ELMO1: variants seen among roughly 807,000 people sequenced by gnomAD.
ELMO1 encodes engulfment and cell motility 1, also known as engulfment and cell motility protein 1.
Under a neutral mutation model 98.9 loss-of-function variants are expected in ELMO1, and 26 were observed. That is an observed-to-expected ratio of 0.26 (90% confidence interval 0.19 to 0.36). The LOEUF is 0.36. ELMO1 is among the 10% of genes least tolerant of loss of function. The pLI, the probability that ELMO1 is intolerant of heterozygous loss-of-function variation, is 1.00. For synonymous variants in ELMO1, 346 were observed against 346.0 expected (o/e 1.00, Z 0.00); for missense variants, 627 against 935.2 (o/e 0.67, Z 4.30).
chr7:37,308,829 A>C (rs1206852775), intron 4 of ELMO1, among the ~76,000 whole-genome samples: 2 of 152,196 alleles, frequency 1.3e-5, no homozygotes, highest in Admixed American at 1.3e-4. Context: ...TGGGGACAGG[A>C]ATACAAGCAG....
intron 16 of ELMO1, among the ~76,000 whole-genome samples, chr7:36,958,599 A>G (rs1039894176): frequency 2.0e-5 from 3 of 152,198 alleles, no homozygotes; most frequent in Admixed American, 6.5e-5. Flanking sequence ...AGTGACCTCC[A>G]TGAGGTCAAA....
At chr7:36,885,374 T>C (rs1286761474) in intron 18 of ELMO1, among the ~76,000 whole-genome samples, 1 of 152,148 alleles carries the variant, frequency 6.6e-6, no homozygotes, top group African/African-American at 2.4e-5. Flanking sequence ...CTGTAGTTAA[T>C]ACATCTAGAA....
At chr7:37,097,057 T>C (rs983672321) in intron 14 of ELMO1, among the ~76,000 whole-genome samples, 2 of 152,222 alleles carry the variant, frequency 1.3e-5, no homozygotes, top group African/African-American at 2.4e-5. Flanking sequence ...TGTCCTCCCA[T>C]TTCTGTCCTC....
rs973681591 is a variant in ELMO1, at chr7:37,029,667, T to C, written c.1301-16232A>G. Among the ~76,000 whole-genome samples the C allele has an allele frequency of 3.9e-5, 6 of 152,212 alleles. No individual in the cohort carries two copies. In the East Asian group the frequency reaches 7.7e-4, roughly 20 times the overall value. On this transcript the variant is annotated intron_variant, in intron 15 of 21. Transcript: ENST00000310758. ...AATTATTTGCACCATAAAAATGCCCTAATAAAATTAGGCTTAAACTCTTGT... is the reference window on the plus strand; with the variant it reads ...AATTATTTGCACCATAAAAATGCCCCAATAAAATTAGGCTTAAACTCTTGT...
At chr7:37,422,145 C>T (rs1339749722) in intron 1 of ELMO1, among the ~76,000 whole-genome samples, 1 of 152,206 alleles carries the variant, frequency 6.6e-6, no homozygotes, top group Admixed American at 6.5e-5. Context: ...AGAAAATTAG[C>T]TTTCCTCTAT....
At chr7:37,285,201 T>C (rs1797331725) in intron 4 of ELMO1, among the ~76,000 whole-genome samples, 1 of 152,238 alleles carries the variant, frequency 6.6e-6, no homozygotes. Flanking sequence ...ATGCCCGCTC[T>C]TGGTCTTTAG....
At chr7:37,278,749 G>A (rs779292999) in intron 4 of ELMO1, among the ~76,000 whole-genome samples, 3 of 152,148 alleles carry the variant, frequency 2.0e-5, no homozygotes, top group Admixed American at 1.3e-4. Context: ...ATTCACCTCT[G>A]CCTGAGACAC....
chr7:36,946,549 T>G (rs1374689372), intron 16 of ELMO1, among the ~76,000 whole-genome samples: 2 of 152,232 alleles, frequency 1.3e-5, no homozygotes, highest in Non-Finnish European at 1.5e-5. Flanking sequence ...CAACCACCTC[T>G]GTGTTTGTGT....
intron 16 of ELMO1, among the ~76,000 whole-genome samples, chr7:36,995,674 T>C (rs1306524857): frequency 2.0e-5 from 3 of 152,194 alleles, no homozygotes; most frequent in Non-Finnish European, 4.4e-5. Context: ...TTTTAACAGA[T>C]AAATAAATGT....
intron 1 of ELMO1, among the ~76,000 whole-genome samples, chr7:37,442,745 T>C (rs1455852854): frequency 1.3e-5 from 2 of 152,136 alleles, no homozygotes; most frequent in African/African-American, 2.4e-5. Context: ...CTGGATACCA[T>C]GGCAACCCAG....
chr7:37,140,294 G>C (rs1037755401), intron 13 of ELMO1, among the ~76,000 whole-genome samples: 3 of 151,952 alleles, frequency 2.0e-5, no homozygotes, highest in Admixed American at 1.3e-4. Flanking sequence ...GCTGAGGCAG[G>C]AGAATGGCGT....
At chr7:36,866,383 T>C (rs973276807) in intron 20 of ELMO1, among the ~76,000 whole-genome samples, 5 of 152,178 alleles carry the variant, frequency 3.3e-5, no homozygotes, top group Non-Finnish European at 7.4e-5. Context: ...CTGTTAAACA[T>C]AACAGACTCT....
At chr7:37,281,574 A>T (rs1257940517) in intron 4 of ELMO1, among the ~76,000 whole-genome samples, 1 of 152,140 alleles carries the variant, frequency 6.6e-6, no homozygotes, top group Non-Finnish European at 1.5e-5. Flanking sequence ...TAGAATCACC[A>T]TGGGTGAGTG....
At chr7:37,101,088 C>T (rs760967764) in intron 14 of ELMO1, among the ~76,000 whole-genome samples, 5 of 152,234 alleles carry the variant, frequency 3.3e-5, no homozygotes, top group Non-Finnish European at 7.3e-5. Context: ...CTTTTACCAG[C>T]AGCTAAACCA....
chr7:37,424,374 C>CTCA (rs1403517155), intron 1 of ELMO1, among the ~76,000 whole-genome samples: 2 of 152,160 alleles, frequency 1.3e-5, no homozygotes, highest in African/African-American at 2.4e-5. Flanking sequence ...ATGAGTCCTT[C>CTCA]TCAGTACTCA....
chr7:36,973,758 C>T (rs1790196592), intron 16 of ELMO1, among the ~76,000 whole-genome samples: 1 of 152,260 alleles, frequency 6.6e-6, no homozygotes, highest in Non-Finnish European at 1.5e-5. Context: ...GAGGCGCGAG[C>T]GGGAACCGGG....
At chr7:37,144,312 C>T (rs1787845798) in intron 13 of ELMO1, among the ~76,000 whole-genome samples, 1 of 151,860 alleles carries the variant, frequency 6.6e-6, no homozygotes, top group African/African-American at 2.4e-5. Context: ...GTTTTAATAG[C>T]CAGTGAAATA....
chr7:36,867,506 C>G (rs930313212), intron 20 of ELMO1, among the ~76,000 whole-genome samples: 5 of 152,016 alleles, frequency 3.3e-5, no homozygotes, highest in African/African-American at 1.2e-4. Flanking sequence ...ATTTCAGTTT[C>G]ATTGATTTCT....
chr7:36,904,671 T>C (rs1406588539), intron 16 of ELMO1, among the ~76,000 whole-genome samples: 1 of 152,232 alleles, frequency 6.6e-6, no homozygotes, highest in African/African-American at 2.4e-5. Context: ...CAGCAATTCA[T>C]CTTAAACTCA....
Sources: allele counts gnomAD v4.1 joint callset (sites outside exome capture counted in the v4.1 genomes callset), GRCh38; gene constraint gnomAD v4.1.1; transcripts MANE v1.5; gene names NCBI Gene and HGNC (gene_info 2026-07-23, HGNC 2026-07-21).